Variants in NT5C observed in about 807,000 individuals in gnomAD.
NT5C encodes the protein 5'(3')-deoxyribonucleotidase, cytosolic type.
Under a neutral mutation model 17.6 loss-of-function variants are expected in NT5C, and 14 were observed. That is an observed-to-expected ratio of 0.79 (90% CI 0.52 to 1.24). The LOEUF is 1.24. Ranked by LOEUF, NT5C falls within the 50% of genes most tolerant of loss-of-function variation. The pLI is 0.00. For missense variants in NT5C, 328 were observed against 278.3 expected (o/e 1.18, Z -1.27); for synonymous variants, 153 against 119.2 (o/e 1.28, Z -1.85).
In NT5C at chr17:75,130,384, C is replaced by G; in HGVS notation, c.*104G>C. 3 of 1,425,260 alleles carry G rather than the reference C, an allele frequency of 2.1e-6. No homozygotes were observed. The highest frequency in any genetic ancestry group is 2.9e-6 in the Non-Finnish European group (3 of 1,039,804). The allele number at this position is 1,425,260 out of a possible 1,614,324, so 88.3% of individuals were successfully genotyped here. A position where few individuals can be genotyped will look rare whatever the true frequency, so the allele number is the denominator to read the frequency against. On this transcript the variant is annotated 3_prime_UTR_variant, in exon 5 of 5. Coordinates refer to ENST00000245552, the MANE Select transcript of NT5C (RefSeq NM_014595.3). ...AACGGTATCTGCCTGCTCCACTCCA[C>G]GGGGCCAGAGGCACCAGCACGATGC...
At chr17:75,131,020 C>A in intron 3 of NT5C, 25 bp downstream of exon 3, 1 of 1,609,964 alleles carries the variant, frequency 6.2e-7, no homozygotes, top group Non-Finnish European at 8.5e-7. Context: ...GCTCCACGTG[C>A]GGAGTAGGGG....
chr17:75,130,415 C>T lies in NT5C; in HGVS notation c.*73G>A. The T allele has an allele frequency of 6.4e-7, 1 of 1,568,376 alleles. No individual in the cohort carries two copies. The highest frequency in any genetic ancestry group is 1.3e-5 in the African/African-American group (1 of 74,206). ...CAGAGGCACCAGCACGATGCCGCCC[C>T]GACTCGGCTCTGCGGTGGCCCCTGT... On this transcript the variant is annotated 3_prime_UTR_variant, in exon 5 of 5. Transcript: ENST00000245552.
Position 75,131,242 on chromosome 17 carries a change from G to A in NT5C, c.214C>T (p.Leu72=), listed in dbSNP as rs768213326. 45 of 1,613,930 alleles carry A rather than the reference G, an allele frequency of 2.8e-5. No homozygotes were observed. The East Asian group carries it at 8.9e-4, about 32-fold the overall frequency. Residue 72 remains leucine (L), a synonymous_variant, in exon 2 of 5, where the codon CTG becomes TTG. Coordinates refer to ENST00000245552, the MANE Select transcript of NT5C (RefSeq NM_014595.3). The part of the protein sequence containing the change: ...ASVYEAPGFF[L]DLEPIPGALD... The stretch of plus-strand genomic sequence containing the variant: ...GCTCCCGGGATGGGCTCCAGGTCCA[G>A]GAAAAAGCCCGGGGCTTCGTACACA...
At chr17:75,131,348 G>C (rs1314350244) in intron 1 of NT5C, 67 bp from the exon 2 acceptor site, 2 of 1,546,910 alleles carry the variant, frequency 1.3e-6, no homozygotes, top group Non-Finnish European at 1.8e-6. Flanking sequence ...GGCTCCTGGG[G>C]GCTCCGGGCC....
rs1345305330 is a variant in NT5C, at chr17:75,130,348, G to A, written c.*140C>T. The A allele has an allele frequency of 1.8e-6, 2 of 1,098,906 alleles. No homozygotes were observed. The highest frequency in any genetic ancestry group is 2.2e-5 in the Admixed American group (1 of 45,612). 68.1% of individuals were successfully genotyped at this position (1,098,906 alleles called of 1,614,324 possible). ...GGGTGGCTGGGCCTGGGGCCCGGTA[G>A]CACAGCGCTTAACGGTATCTGCCTG... is the stretch of plus-strand genomic sequence containing the variant. On this transcript the variant is annotated 3_prime_UTR_variant, in exon 5 of 5. Coordinates refer to ENST00000245552, the MANE Select transcript of NT5C (RefSeq NM_014595.3).
At position 75,130,515 on chromosome 17, in the gene NT5C, GCTAT is replaced by G. The variant is rs781018464; in HGVS notation, c.575_578del (p.Asp192AlafsTer?). 3 of 1,614,162 alleles carry G rather than the reference GCTAT, an allele frequency of 1.9e-6. No individual in the cohort carries two copies. Among genetic ancestry groups the G allele is most frequent in the East Asian group, 2.2e-5 (1 of 44,880 alleles). ...ATTCCCGCTGCGCAGCTCCGCGCTT[GCTAT>G]CTAAGATCTCCCTCCAGTTGTCACT... On this transcript the variant is annotated frameshift_variant, in exon 5 of 5. Coordinates refer to ENST00000245552, the MANE Select transcript of NT5C (RefSeq NM_014595.3). LOFTEE classifies it high-confidence loss of function.
chr17:75,130,904 G>T (rs368033898), intron 3 of NT5C, 37 bp from the exon 4 acceptor site: 1 of 1,613,604 alleles, frequency 6.2e-7, no homozygotes, highest in South Asian at 1.1e-5. Context: ...AGGGCCTGAT[G>T]GAAGCCGGAA....
rs935362371 is a variant in NT5C, at chr17:75,131,738, G to A, written c.-31C>T. 7.9e-7 allele frequency: 1 copy of A among 1,258,214 alleles called. No homozygotes were observed. The highest frequency in any genetic ancestry group is 1.0e-6 in the Non-Finnish European group (1 of 1,002,008). The allele number at this position is 1,258,214 out of a possible 1,614,324, so 77.9% of individuals were successfully genotyped here. On this transcript the variant is annotated 5_prime_UTR_variant, in exon 1 of 5. Coordinates refer to ENST00000245552, the MANE Select transcript of NT5C (RefSeq NM_014595.3). ...CCGGGCCGGAGCTGCGAGCTCTCGGGGTCTGGGGGGCGCGGGCTCGGCCGG... is the reference window on the plus strand; with the variant it reads ...CCGGGCCGGAGCTGCGAGCTCTCGGAGTCTGGGGGGCGCGGGCTCGGCCGG...
intron 1 of NT5C, 98 bp downstream of exon 1, chr17:75,131,436 G>A: frequency 7.1e-7 from 1 of 1,408,160 alleles, no homozygotes; most frequent in Non-Finnish European, 9.4e-7. Context: ...CTGCCCGCGG[G>A]TTCCAGGGTG....
chr17:75,130,516 C>G lies in NT5C; in HGVS notation c.578G>C (p.Ser193Thr). The G allele has an allele frequency of 6.2e-7, 1 of 1,614,170 alleles. No individual in the cohort carries two copies. Among genetic ancestry groups the G allele is most frequent in the Non-Finnish European group, 8.5e-7 (1 of 1,180,022 alleles). Residue 193 changes from serine to threonine, a missense_variant, in exon 5 of 5, where the codon AGC becomes ACC. Physicochemically the swap from Ser to Thr is moderately conservative, Grantham distance 58. Coordinates refer to ENST00000245552, the MANE Select transcript of NT5C (RefSeq NM_014595.3). ...TTCCCGCTGCGCAGCTCCGCGCTTG[C>G]TATCTAAGATCTCCCTCCAGTTGTC... ...WSDNWREILD[S>T]KRGAAQRE
Position 75,131,629 on chromosome 17 carries a change from G to A in NT5C, c.79C>T (p.Arg27Cys). The change falls in exon 1 of 5, where the codon CGC becomes TGC. Residue 27 changes from arginine (R) to cysteine (C), a missense_variant. Arg to Cys is a radical substitution (Grantham distance 180). Transcript: ENST00000245552. ...DFEAGLLRGF[R>C]RRFPEEPHVP... ...TGCGGCTCCTCAGGGAAGCGGCGGC[G>A]GAAGCCCCGCAGGAGGCCGGCCTCG... The A allele has an allele frequency of 2.2e-6, 3 of 1,375,896 alleles. No homozygotes were observed. The highest frequency in any genetic ancestry group is 7.0e-5 in the Admixed American group (2 of 28,380). The allele number at this position is 1,375,896 out of a possible 1,614,324, so 85.2% of individuals were successfully genotyped here. A position where few individuals can be genotyped will look rare whatever the true frequency, so the allele number is the denominator to read the frequency against.
chr17:75,130,840 G>T lies in NT5C; in HGVS notation c.364C>A (p.Pro122Thr), dbSNP rs1213865389. 6.2e-7 allele frequency: 1 copy of T among 1,614,148 alleles called. No individual in the cohort carries two copies. Among genetic ancestry groups the T allele is most frequent in the Admixed American group, 1.7e-5 (1 of 60,024 alleles). The change falls in exon 4 of 5, where the codon CCC becomes ACC. Residue 122 changes from proline to threonine, a missense_variant. Pro to Thr is a conservative substitution (Grantham distance 38). Coordinates refer to ENST00000245552, the MANE Select transcript of NT5C (RefSeq NM_014595.3). ...AGGATAATTCGTTCTACGAACTGGG[G>T]CCCCAGGTGCTGCTCCACCCAGCGG... The part of the protein sequence containing the change: ...KYRWVEQHLG[P>T]QFVERIILTR...
Position 75,131,292 on chromosome 17 carries a change from A to C in NT5C, c.175-11T>G. On this transcript the variant is annotated splice_polypyrimidine_tract_variant and intron_variant, in intron 1 of 4. Coordinates refer to ENST00000245552, the MANE Select transcript of NT5C (RefSeq NM_014595.3). ...ACTGGCCACTTTATCCTGAAAGACA[A>C]GAGTTCTGGGTCCCGGCTTCCCGTT... 1 of 1,613,008 alleles carries C rather than the reference A, an allele frequency of 6.2e-7. No individual in the cohort carries two copies. The highest frequency in any genetic ancestry group is 8.5e-7 in the Non-Finnish European group (1 of 1,179,532).
In NT5C at chr17:75,131,274, A is replaced by C. The variant is rs527322763; in HGVS notation, c.182T>G (p.Val61Gly). Residue 61 changes from valine (V) to glycine (G), a missense_variant, in exon 2 of 5, where the codon GTG becomes GGG. Val to Gly is a moderately radical substitution (Grantham distance 109). Transcript: ENST00000245552. The part of the protein sequence containing the change: ...RALRPDLADK[V>G]ASVYEAPGFF... ...GCCCGGGGCTTCGTACACACTGGCC[A>C]CTTTATCCTGAAAGACAAGAGTTCT... The C allele has an allele frequency of 6.2e-7, 1 of 1,613,804 alleles. No homozygotes were observed.
In NT5C at chr17:75,130,447, G is replaced by C; in HGVS notation, c.*41C>G. ...GCTCTGCGGTGGCCCCTGTGGGCCT[G>C]CCCTTCCTTTAGCTCCAGCTGCTGC... On this transcript the variant is annotated 3_prime_UTR_variant, in exon 5 of 5. Coordinates refer to ENST00000245552, the MANE Select transcript of NT5C (RefSeq NM_014595.3). 6.2e-7 allele frequency: 1 copy of C among 1,608,612 alleles called. No homozygotes were observed. Among genetic ancestry groups the C allele is most frequent in the Non-Finnish European group, 8.5e-7 (1 of 1,177,638 alleles).
intron 1 of NT5C, 106 bp from the exon 2 acceptor site, chr17:75,131,387 G>T: frequency 2.1e-6 from 3 of 1,413,142 alleles, no homozygotes; most frequent in Non-Finnish European, 1.9e-6. Context: ...GGGGGCGTCG[G>T]TCAGGGGCAC....
At position 75,130,695 on chromosome 17, in the gene NT5C, C is replaced by T. The variant is rs572466917; in HGVS notation, c.452-53G>A. 19 of 1,613,894 alleles carry T rather than the reference C, an allele frequency of 1.2e-5. No individual in the cohort carries two copies. The East Asian group carries it at 4.0e-4, about 34-fold the overall frequency. On this transcript the variant is annotated intron_variant, in intron 4 of 4. Transcript: ENST00000245552. ...CATCTGTCATGGGTATTATTACTCC[C>T]TCTCCCTAATCCGGGCAGGCCAGAG...
In NT5C at chr17:75,130,613, T is replaced by A. The variant is rs749763646; in HGVS notation, c.481A>T (p.Ile161Phe). ...GQEETPSWEH[I>F]LFTCCHNRHL... is the part of the protein sequence containing the mutation. ...CGATTGTGGCAGCAGGTGAACAAGATGTGCTCCCAGCTTGGGGTCTCCTCC... is the reference window on the plus strand; with the variant it reads ...CGATTGTGGCAGCAGGTGAACAAGAAGTGCTCCCAGCTTGGGGTCTCCTCC... Residue 161 changes from isoleucine (I) to phenylalanine (F), a missense_variant, in exon 5 of 5, where the codon ATC (isoleucine) becomes TTC (phenylalanine). By Grantham distance (21) the Ile-to-Phe change is conservative. Coordinates refer to ENST00000245552, the MANE Select transcript of NT5C (RefSeq NM_014595.3). 3 of 1,612,922 alleles carry A rather than the reference T, an allele frequency of 1.9e-6. No homozygotes were observed. In the East Asian group the frequency reaches 6.7e-5, roughly 36 times the overall value.
In NT5C at chr17:75,131,195, C is replaced by T. The variant is rs34746270; in HGVS notation, c.261G>A (p.Met87Ile). The change falls in exon 2 of 5, where the codon ATG (methionine) becomes ATA (isoleucine). Residue 87 changes from methionine to isoleucine, a missense_variant. Transcript: ENST00000245552. ...IPGALDAVRE[M>I]NDLPDTQVFI... The stretch of plus-strand genomic sequence containing the variant: ...TCTCTCCTTACTCCGGTAGGTCGTT[C>T]ATCTCCCGCACAGCGTCCAAGGCTC... The T allele has an allele frequency of 2.4e-5, 39 of 1,613,776 alleles. No homozygotes were observed. In the African/African-American group the frequency reaches 5.1e-4, roughly 21 times the overall value.
Sources: gnomAD v4.1 joint callset for allele counts on GRCh38, gnomAD v4.1.1 for gene constraint, MANE v1.5 for transcripts, NCBI Gene and HGNC (gene_info 2026-07-23, HGNC 2026-07-21) for gene names.